Variants in MALRD1 observed in about 807,000 individuals in gnomAD.
MALRD1 encodes MAM and LDL receptor class A domain containing 1.
Under a neutral mutation model 242.1 loss-of-function variants are expected in MALRD1, and 247 were observed. That is an observed-to-expected ratio of 1.02 (90% CI 0.92 to 1.13). The LOEUF (loss-of-function observed/expected upper bound fraction) is 1.13. MALRD1 is among the 50% of genes most tolerant of loss of function. The probability of loss-of-function intolerance (pLI) is 0.00; values close to 1 mark genes in which losing one functional copy is unlikely to be tolerated. For missense variants in MALRD1, 2,989 were observed against 2,533.1 expected (o/e 1.18, Z -3.86); for synonymous variants, 995 against 866.6 (o/e 1.15, Z -2.60).
intron 32 of MALRD1, among the ~76,000 whole-genome samples, chr10:19,544,640 C>G (rs1175861787): frequency 2.0e-5 from 3 of 151,352 alleles, no homozygotes; most frequent in Non-Finnish European, 2.9e-5. Context: ...AATTAATAAT[C>G]TACCCACCAC....
At chr10:19,558,666 T>A (rs1835830061) in intron 32 of MALRD1, among the ~76,000 whole-genome samples, 1 of 152,184 alleles carries the variant, frequency 6.6e-6, no homozygotes, top group Non-Finnish European at 1.5e-5. Flanking sequence ...TGCATCTATC[T>A]TCATGAGAAA....
In MALRD1 at chr10:19,215,591, C is replaced by G. The variant is rs569451962; in HGVS notation, c.2991+5911C>G. Among the ~76,000 whole-genome samples, 8 of 152,260 alleles carry G rather than the reference C, an allele frequency of 5.3e-5. No individual in the cohort carries two copies. The South Asian group carries it at 1.5e-3, about 28-fold the overall frequency. On this transcript the variant is annotated intron_variant, in intron 18 of 39. Coordinates refer to ENST00000454679, the MANE Select transcript of MALRD1 (RefSeq NM_001142308.3). ...CACCGTTCTTTCACCCAAGCTTCAT[C>G]ATAATCTAATGTTTGTTCTTGCTTC...
intron 24 of MALRD1, among the ~76,000 whole-genome samples, chr10:19,340,026 A>G (rs1843775719): frequency 6.6e-6 from 1 of 152,114 alleles, no homozygotes; most frequent in South Asian, 2.1e-4. Flanking sequence ...ACTCACTGTC[A>G]TAAGAACAGC....
rs141348146 is a variant in MALRD1, at chr10:19,325,677, A to G, written c.3576+1572A>G. On this transcript the variant is annotated intron_variant, in intron 22 of 39. Coordinates refer to ENST00000454679, the MANE Select transcript of MALRD1 (RefSeq NM_001142308.3). ...TCTGAAATAAATCCACAAATTCCAGAATTGTATGTACTATGAGCAGTTTTA... is the reference window on the plus strand; with the variant it reads ...TCTGAAATAAATCCACAAATTCCAGGATTGTATGTACTATGAGCAGTTTTA... Among the ~76,000 whole-genome samples, 1,190 of 152,212 alleles carry G rather than the reference A, an allele frequency of 7.8e-3. 7 individuals carry two copies. The highest frequency in any genetic ancestry group is 0.022 in the South Asian group (104 of 4,824).
chr10:19,106,551 G>T (rs531419402), intron 5 of MALRD1, among the ~76,000 whole-genome samples: 3 of 150,784 alleles, frequency 2.0e-5, no homozygotes, highest in Admixed American at 2.0e-4. Context: ...GCTATTGTTT[G>T]TCAATTTTGT....
chr10:19,172,881 G>A (rs1225820717), intron 13 of MALRD1, among the ~76,000 whole-genome samples: 2 of 151,860 alleles, frequency 1.3e-5, no homozygotes, highest in Non-Finnish European at 1.5e-5. Context: ...TATTTCTAAA[G>A]TACAATACTT....
At chr10:19,324,900 GT>G (rs371363463) in intron 22 of MALRD1, among the ~76,000 whole-genome samples, 3,128 of 130,500 alleles carry the variant, frequency 0.024, 56 homozygotes, top group African/African-American at 0.044. Flanking sequence ...CATTACTTTT[GT>G]TTTTTTTTGT....
At chr10:19,535,235 G>A (rs756385212) in intron 32 of MALRD1, among the ~76,000 whole-genome samples, 2 of 152,022 alleles carry the variant, frequency 1.3e-5, no homozygotes, top group Non-Finnish European at 2.9e-5. Flanking sequence ...GAAACCACGT[G>A]AGCATCAAAT....
intron 36 of MALRD1, among the ~76,000 whole-genome samples, chr10:19,646,148 A>G (rs1840647388): frequency 6.6e-6 from 1 of 152,172 alleles, no homozygotes; most frequent in South Asian, 2.1e-4. Context: ...CTCTGAGACT[A>G]CCCAAAGGTT....
At chr10:19,609,631 C>T (rs1838796760) in intron 35 of MALRD1, among the ~76,000 whole-genome samples, 1 of 152,038 alleles carries the variant, frequency 6.6e-6, no homozygotes, top group African/African-American at 2.4e-5. Context: ...ATCTCCGGCA[C>T]TGTATAGATG....
intron 24 of MALRD1, among the ~76,000 whole-genome samples, chr10:19,337,206 TTAAG>T (rs1006204749): frequency 6.6e-6 from 1 of 152,158 alleles, no homozygotes; most frequent in African/African-American, 2.4e-5. Flanking sequence ...AGACAATTTG[TTAAG>T]TAATAGGTAC....
chr10:19,250,155 G>A (rs988155247), intron 18 of MALRD1, among the ~76,000 whole-genome samples: 1 of 151,978 alleles, frequency 6.6e-6, no homozygotes, highest in South Asian at 2.1e-4. Flanking sequence ...ATTTAATTTT[G>A]GCATGTGTGA....
At chr10:19,687,148 A>T (rs1027849196) in intron 36 of MALRD1, among the ~76,000 whole-genome samples, 12 of 152,188 alleles carry the variant, frequency 7.9e-5, no homozygotes, top group African/African-American at 2.9e-4. Flanking sequence ...TCTTGACGTT[A>T]AAACAAACAA....
chr10:19,595,231 T>C lies in MALRD1; in HGVS notation c.5718T>C (p.Asp1906=). The C allele has an allele frequency of 6.5e-7, 1 of 1,550,304 alleles. No individual in the cohort carries two copies. Among genetic ancestry groups the C allele is most frequent in the Middle Eastern group, 1.7e-4 (1 of 5,982 alleles). The change falls in exon 34 of 40, where the codon GAT becomes GAC. Residue 1906 remains aspartate (D), a synonymous_variant. Transcript: ENST00000454679. ...TGCAGCCATCACCCTGTGAAGCTGA[T>C]CAGTTTTCTTGTATCTACACACTCC... ...VPVQPSPCEA[D]QFSCIYTLQC...
At chr10:19,464,535 A>T (rs1352176448) in intron 29 of MALRD1, among the ~76,000 whole-genome samples, 1 of 151,922 alleles carries the variant, frequency 6.6e-6, no homozygotes, top group Admixed American at 6.6e-5. Flanking sequence ...TTTGGGGTTT[A>T]TTTATTGGTT....
chr10:19,649,831 T>A (rs1840792319), intron 36 of MALRD1, among the ~76,000 whole-genome samples: 1 of 152,162 alleles, frequency 6.6e-6, no homozygotes, highest in African/African-American at 2.4e-5. Context: ...ATTGCCTAGC[T>A]TGTCTTCCAG....
chr10:19,573,316 C>G (rs1386411044), intron 33 of MALRD1, among the ~76,000 whole-genome samples: 1 of 152,196 alleles, frequency 6.6e-6, no homozygotes, highest in African/African-American at 2.4e-5. Context: ...TGGCATGGCT[C>G]TGCATGGCAG....
chr10:19,171,084 G>A (rs1055218405), intron 13 of MALRD1, among the ~76,000 whole-genome samples: 2 of 151,762 alleles, frequency 1.3e-5, no homozygotes, highest in Non-Finnish European at 2.9e-5. Context: ...AAGCACCTGA[G>A]TTTTGCACTT....
chr10:19,565,225 G>A (rs566527364), intron 32 of MALRD1, among the ~76,000 whole-genome samples: 1 of 152,028 alleles, frequency 6.6e-6, no homozygotes, highest in Non-Finnish European at 1.5e-5. Flanking sequence ...GTCATGGTGT[G>A]GTTTTGAGAA....
Sources: gnomAD v4.1 joint callset for allele counts (sites outside exome capture counted in the v4.1 genomes callset) on GRCh38, gnomAD v4.1.1 for gene constraint, MANE v1.5 for transcripts, NCBI Gene and HGNC (gene_info 2026-07-23, HGNC 2026-07-21) for gene names.